The following LAMC3 variants were observed in gnomAD, a reference collection of about 807,000 sequenced individuals.
LAMC3 encodes the protein laminin subunit gamma 3.
LAMC3 carries 128 observed loss-of-function variants against 173.8 expected under a neutral mutation model. That is an observed-to-expected ratio of 0.74 (90% CI 0.64 to 0.85). LAMC3 has a LOEUF of 0.85. Ranked by LOEUF, LAMC3 falls within the 40% of genes least tolerant of loss-of-function variation. The probability of loss-of-function intolerance (pLI) is 0.00; values close to 1 mark genes in which losing one functional copy is unlikely to be tolerated. For synonymous variants in LAMC3, 897 were observed against 909.1 expected, an observed-to-expected ratio of 0.99 and a Z score of 0.24; for missense variants, 2,022 against 2,156.0, an observed-to-expected ratio of 0.94 and a Z score of 1.23.
chr9:131,066,442 G>T (rs1391552086), intron 13 of LAMC3, among the ~76,000 whole-genome samples: 1 of 151,940 alleles, frequency 6.6e-6, no homozygotes, highest in South Asian at 2.1e-4. Context: ...AGTGAGCCGA[G>T]ATCGTACCAC....
intron 1 of LAMC3, among the ~76,000 whole-genome samples, chr9:131,010,371 G>A (rs1268847183): frequency 6.6e-6 from 1 of 152,152 alleles, no homozygotes; most frequent in Admixed American, 6.5e-5. Flanking sequence ...AACAGGACCT[G>A]TACCCCTAGA....
In LAMC3 at chr9:131,030,481, C is replaced by G. The variant is rs61444731; in HGVS notation, c.679-1564C>G. On this transcript the variant is annotated intron_variant, in intron 2 of 27. Coordinates refer to ENST00000361069, the MANE Select transcript of LAMC3 (RefSeq NM_006059.4). Reference sequence around the variant, plus strand: ...TTTGGGATAGACACAGGAAGGCAGACCAGCCTCGTGGTTAAAGCTGGGACC... The same window carrying G: ...TTTGGGATAGACACAGGAAGGCAGAGCAGCCTCGTGGTTAAAGCTGGGACC... Among the ~76,000 whole-genome samples the G allele has an allele frequency of 2.5e-3, 376 of 152,286 alleles. 1 individual carries two copies. Among genetic ancestry groups the G allele is most frequent in the African/African-American group, 8.7e-3 (361 of 41,558 alleles).
chr9:131,086,389 GGTTT>G (rs1349819736), intron 25 of LAMC3, among the ~76,000 whole-genome samples: 1 of 49,668 alleles, frequency 2.0e-5, no homozygotes, highest in Non-Finnish European at 3.8e-5. Context: ...AAGGGTTTTT[GGTTT>G]TGTTTTTTTT....
At position 131,017,173 on chromosome 9, in the gene LAMC3, C is replaced by T. The variant is rs1042344699; in HGVS notation, c.373+7586C>T. Among the ~76,000 whole-genome samples, 3 of 152,100 alleles carry T rather than the reference C, an allele frequency of 2.0e-5. No homozygotes were observed. The East Asian group carries it at 5.8e-4, about 29-fold the overall frequency. ...TGTATTCGCTAAAGGATGCTGTGCG[C>T]GGGCTGCTGCGGGTCACCGGCGCAG... is the stretch of plus-strand genomic sequence containing the variant. On this transcript the variant is annotated intron_variant, in intron 1 of 27. Coordinates refer to ENST00000361069, the MANE Select transcript of LAMC3 (RefSeq NM_006059.4).
intron 18 of LAMC3, among the ~76,000 whole-genome samples, 195 bp from the exon 19 acceptor site, chr9:131,072,435 C>T (rs556054479): frequency 4.6e-5 from 7 of 152,268 alleles, no homozygotes; most frequent in African/African-American, 1.7e-4. Context: ...GGTAGGACCT[C>T]GGGTCATGTT....
At position 131,072,681 on chromosome 9, in the gene LAMC3, A is replaced by G. The variant is rs1310239821; in HGVS notation, c.3263A>G (p.Lys1088Arg). The change falls in exon 19 of 28, where the codon AAG (lysine) becomes AGG (arginine). Residue 1088 changes from lysine (K) to arginine (R), a missense_variant. Coordinates refer to ENST00000361069, the MANE Select transcript of LAMC3 (RefSeq NM_006059.4). ...EQMMSLEGAV[K>R]AAREQLQRLN... ...ATGATGAGCCTCGAGGGTGCTGTCA[A>G]GGCCGCCCGGGAGCAGCTGCAGAGG... 3 of 1,611,694 alleles carry G rather than the reference A, an allele frequency of 1.9e-6. No individual in the cohort carries two copies. Among genetic ancestry groups the G allele is most frequent in the South Asian group, 2.2e-5 (2 of 90,766 alleles).
intron 7 of LAMC3, among the ~76,000 whole-genome samples, chr9:131,045,225 A>AC (rs1367322126): frequency 1.4e-5 from 1 of 70,378 alleles, no homozygotes; most frequent in Non-Finnish European, 3.6e-5. Flanking sequence ...CTGTCTCAAA[A>AC]AAAAAAAAAA....
chr9:131,049,002 T>C lies in LAMC3; in HGVS notation c.1520-18T>C, dbSNP rs368483706. ...GGGGCCTCACACTGATCGGGGGGTG[T>C]CTGTGTTTGCTGTCTAGGAGCCGAA... On this transcript the variant is annotated intron_variant, in intron 8 of 27. Coordinates refer to ENST00000361069, the MANE Select transcript of LAMC3 (RefSeq NM_006059.4). The C allele has an allele frequency of 1.1e-5, 17 of 1,498,048 alleles. 1 individual carries two copies. The highest frequency in any genetic ancestry group is 2.0e-5 in the Admixed American group (1 of 50,778). 92.8% of individuals were successfully genotyped at this position (1,498,048 alleles called of 1,614,324 possible).
At position 131,067,058 on chromosome 9, in the gene LAMC3, G is replaced by C. The variant is rs576989735; in HGVS notation, c.2446G>C (p.Val816Leu). 6.2e-7 allele frequency: 1 copy of C among 1,614,124 alleles called. No homozygotes were observed. The highest frequency in any genetic ancestry group is 1.1e-5 in the South Asian group (1 of 91,086). ...CCACCAGTGCCAGTGTAGCGGGAAC[G>C]TGGACCCCAATGCCGTGGGCAACTG... ...PCHQCQCSGN[V>L]DPNAVGNCDP... Residue 816 changes from valine to leucine, a missense_variant, in exon 14 of 28, where the codon GTG becomes CTG. Transcript: ENST00000361069.
At chr9:131,027,843 T>C (rs977067306) in intron 2 of LAMC3, among the ~76,000 whole-genome samples, 5 of 152,196 alleles carry the variant, frequency 3.3e-5, no homozygotes, top group South Asian at 4.1e-4. Context: ...CCTGTCGCCA[T>C]GTCAGTCCAT....
In LAMC3 at chr9:131,046,180, CTTTTTTTTTTTTTTT is replaced by C. The variant is rs61108655; in HGVS notation, c.1519+535_1519+549del. 1.3e-4 allele frequency among the ~76,000 whole-genome samples: 10 copies of C among 76,540 alleles called. No individual in the cohort carries two copies. The South Asian group carries it at 3.1e-3, about 23-fold the overall frequency. 50.2% of individuals were successfully genotyped at this position (76,540 alleles called of 152,430 possible). ...ATTTGTCAGCTCCTGAGTTTTGCTC[CTTTTTTTTTTTTTTT>C]TTTTTTTTTTTTTTGGACACAGGGT... On this transcript the variant is annotated intron_variant, in intron 8 of 27. Coordinates refer to ENST00000361069, the MANE Select transcript of LAMC3 (RefSeq NM_006059.4).
At chr9:131,049,289 A>G (rs1834238020) in intron 9 of LAMC3, among the ~76,000 whole-genome samples, 159 bp downstream of exon 9, 1 of 152,226 alleles carries the variant, frequency 6.6e-6, no homozygotes, top group African/African-American at 2.4e-5. Flanking sequence ...TCAAGGTGTC[A>G]GCAGGGCTGA....
intron 7 of LAMC3, among the ~76,000 whole-genome samples, chr9:131,044,220 T>C (rs1483498704): frequency 6.6e-6 from 1 of 150,946 alleles, no homozygotes; most frequent in Non-Finnish European, 1.5e-5. Flanking sequence ...CCTCCCAAAG[T>C]GCGTGAGCCG....
chr9:131,089,077 C>T (rs1355289023), intron 27 of LAMC3, among the ~76,000 whole-genome samples: 3 of 149,410 alleles, frequency 2.0e-5, no homozygotes, highest in Non-Finnish European at 4.4e-5. Context: ...AGTGAGACTC[C>T]GTCTCAAAAG....
At chr9:131,027,464 C>A (rs1002094650) in intron 2 of LAMC3, among the ~76,000 whole-genome samples, 1 of 152,186 alleles carries the variant, frequency 6.6e-6, no homozygotes, top group Non-Finnish European at 1.5e-5. Flanking sequence ...CTGGGTCCCA[C>A]GCTGTAAGTC....
intron 3 of LAMC3, among the ~76,000 whole-genome samples, chr9:131,033,549 C>T (rs1467893508): frequency 6.6e-6 from 1 of 151,952 alleles, no homozygotes; most frequent in Non-Finnish European, 1.5e-5. Context: ...AGTGTCAGGG[C>T]CTGGGCGGGT....
chr9:131,073,260 G>T lies in LAMC3; in HGVS notation c.3433G>T (p.Gly1145Cys). Reference sequence around the variant, plus strand: ...CTTTCTACAGGAGATTCCTCAGGAAGGTCCCAGTCAGCCGACCAAATGGAG... The same window carrying T: ...CTTTCTACAGGAGATTCCTCAGGAATGTCCCAGTCAGCCGACCAAATGGAG... ...ILASLEIPQE[G>C]PSQPTKWSHL... Residue 1145 changes from glycine (G) to cysteine (C), a missense_variant, in exon 20 of 28, where the codon GGT becomes TGT. Gly to Cys is a radical substitution (Grantham distance 159). Coordinates refer to ENST00000361069, the MANE Select transcript of LAMC3 (RefSeq NM_006059.4). The T allele has an allele frequency of 6.2e-7, 1 of 1,613,422 alleles. No homozygotes were observed. Among genetic ancestry groups the T allele is most frequent in the South Asian group, 1.1e-5 (1 of 91,080 alleles).
chr9:131,038,780 A>G lies in LAMC3; in HGVS notation c.977-84A>G, dbSNP rs1243961003. The G allele has an allele frequency of 1.0e-5, 14 of 1,391,052 alleles. No individual in the cohort carries two copies. In the East Asian group the frequency reaches 3.0e-4, roughly 29 times the overall value. 86.2% of individuals were successfully genotyped at this position (1,391,052 alleles called of 1,614,324 possible). A position where few individuals can be genotyped will look rare whatever the true frequency, so the allele number is the denominator to read the frequency against. On this transcript the variant is annotated intron_variant, in intron 4 of 27. Coordinates refer to ENST00000361069, the MANE Select transcript of LAMC3 (RefSeq NM_006059.4). ...TTCTCTTTGCACTGCCTGCTCATTT[A>G]GCACAGGGAGGCTGACTGACACAGA...
intron 22 of LAMC3, among the ~76,000 whole-genome samples, 158 bp downstream of exon 22, chr9:131,077,492 C>T (rs911311462): frequency 2.0e-5 from 3 of 151,790 alleles, no homozygotes; most frequent in East Asian, 1.9e-4. Flanking sequence ...CCTGGGCCAA[C>T]GTAGTGAAAC....
Sources: gnomAD v4.1 joint callset for allele counts (sites outside exome capture counted in the v4.1 genomes callset) on GRCh38, gnomAD v4.1.1 for gene constraint, MANE v1.5 for transcripts, NCBI Gene and HGNC (gene_info 2026-07-23, HGNC 2026-07-21) for gene names.